The following ZBTB46 variants were observed in gnomAD, a reference collection of about 807,000 sequenced individuals.
The protein encoded by ZBTB46 is zinc finger and BTB domain containing 46, also known as zinc finger and BTB domain-containing protein 46.
In ZBTB46, 8 loss-of-function variants were observed where a neutral mutation model predicts 44.1. The observed-to-expected ratio is 0.18, with a 90% CI of 0.11 to 0.33. The LOEUF is 0.33. Ranked by LOEUF, ZBTB46 falls within the 10% of genes least tolerant of loss-of-function variation. The probability of loss-of-function intolerance (pLI) is 1.00; values close to 1 mark genes in which losing one functional copy is unlikely to be tolerated. For missense variants in ZBTB46, 651 were observed against 847.7 expected, an observed-to-expected ratio of 0.77 and a Z score of 2.88; for synonymous variants, 409 against 382.3, an observed-to-expected ratio of 1.07 and a Z score of -0.81.
At chr20:63,812,492 A>C (rs2092723233) in intron 1 of ZBTB46, among the ~76,000 whole-genome samples, 1 of 152,042 alleles carries the variant, frequency 6.6e-6, no homozygotes, top group Non-Finnish European at 1.5e-5. Context: ...AATACAAAAA[A>C]TTAGCCAGGC....
At chr20:63,824,111 C>T (rs11086129) in intron 1 of ZBTB46, among the ~76,000 whole-genome samples, 12,104 of 152,044 alleles carry the variant, frequency 0.08, 954 homozygotes, top group East Asian at 0.45. Context: ...CAAGCAGACA[C>T]GTCCCACCTA....
intron 3 of ZBTB46, among the ~76,000 whole-genome samples, chr20:63,753,945 A>G (rs563150162): frequency 1.3e-5 from 2 of 152,322 alleles, no homozygotes; most frequent in South Asian, 4.1e-4. Context: ...CCTCCTGACC[A>G]GCAGTCCCCA....
rs1327196299 is a variant in ZBTB46, at chr20:63,826,923, C to T, written c.-34+4174G>A. 2.0e-5 allele frequency among the ~76,000 whole-genome samples: 3 copies of T among 152,238 alleles called. No homozygotes were observed. In the East Asian group the frequency reaches 5.8e-4, roughly 29 times the overall value. ...CCTGCCCTCCGGCCAGCAATCCACT[C>T]TCCGGGAAGCAGGGTTTGGAATATG... On this transcript the variant is annotated intron_variant, in intron 1 of 4. Transcript: ENST00000245663.
chr20:63,822,610 G>A (rs529871463), intron 1 of ZBTB46, among the ~76,000 whole-genome samples: 3 of 152,132 alleles, frequency 2.0e-5, no homozygotes, highest in African/African-American at 4.8e-5. Flanking sequence ...ATCAGTCAAC[G>A]GCTGCTGTTA....
intron 2 of ZBTB46, among the ~76,000 whole-genome samples, chr20:63,783,607 C>G (rs2092488561): frequency 6.6e-6 from 1 of 152,198 alleles, no homozygotes; most frequent in South Asian, 2.1e-4. Context: ...TAATTCTGTT[C>G]ATACCTGAAA....
chr20:63,807,799 GCGC>G (rs1362901771), intron 1 of ZBTB46, among the ~76,000 whole-genome samples: 1 of 152,278 alleles, frequency 6.6e-6, no homozygotes, highest in Non-Finnish European at 1.5e-5. Context: ...CTTACAGGCG[GCGC>G]CTCAGGGCTC....
At chr20:63,821,081 C>T (rs1297976714) in intron 1 of ZBTB46, among the ~76,000 whole-genome samples, 2 of 151,694 alleles carry the variant, frequency 1.3e-5, no homozygotes, top group South Asian at 2.1e-4. Context: ...TTAGTAGAGA[C>T]GGGGTTTCAC....
At position 63,806,212 on chromosome 20, in the gene ZBTB46, G is replaced by A. The variant is rs1300907112; in HGVS notation, c.-33-15422C>T. Among the ~76,000 whole-genome samples, 6 of 149,792 alleles carry A rather than the reference G, an allele frequency of 4.0e-5. No homozygotes were observed. The East Asian group carries it at 1.2e-3, about 31-fold the overall frequency. ...AGGTCAGGAGTTCGAGACCAACCTG[G>A]CCAACATAGTGAAACCCCGTCTCTA... On this transcript the variant is annotated intron_variant, in intron 1 of 4. Coordinates refer to ENST00000245663, the MANE Select transcript of ZBTB46 (RefSeq NM_001369741.1).
chr20:63,796,641 T>C (rs1292734054), intron 1 of ZBTB46, among the ~76,000 whole-genome samples: 2 of 149,428 alleles, frequency 1.3e-5, no homozygotes, highest in Non-Finnish European at 3.0e-5. Flanking sequence ...GCCTGGCCAA[T>C]ATGGTGAAAC....
intron 3 of ZBTB46, among the ~76,000 whole-genome samples, chr20:63,765,510 C>G (rs1208280213): frequency 6.6e-6 from 1 of 152,250 alleles, no homozygotes; most frequent in Admixed American, 6.5e-5. Context: ...CTCACTGCAG[C>G]CTCGACCTGC....
intron 3 of ZBTB46, chr20:63,775,429 G>A (rs907249456): frequency 2.3e-6 from 1 of 431,760 alleles, no homozygotes; most frequent in Non-Finnish European, 4.1e-6. Context: ...GCAAGCACTC[G>A]GCTGCTCCCC....
chr20:63,827,891 C>T (rs1018493389), intron 1 of ZBTB46, among the ~76,000 whole-genome samples: 1 of 152,194 alleles, frequency 6.6e-6, no homozygotes, highest in Non-Finnish European at 1.5e-5. Flanking sequence ...TATGCTTTAA[C>T]AGGACAATGT....
chr20:63,790,354 G>A lies in ZBTB46; in HGVS notation c.404C>T (p.Ser135Leu), dbSNP rs753244971. 7 of 1,613,184 alleles carry A rather than the reference G, an allele frequency of 4.3e-6. No homozygotes were observed. Among genetic ancestry groups the A allele is most frequent in the East Asian group, 2.2e-5 (1 of 44,880 alleles). The change falls in exon 2 of 5, where the codon TCG becomes TTG. Residue 135 changes from serine to leucine, a missense_variant. By Grantham distance (145) the Ser-to-Leu change is moderately radical. Around this residue, in one of 5 missense-constraint regions of ZBTB46, gnomAD observed 385 missense variants for 423.3 expected, o/e 0.91. Coordinates refer to ENST00000245663, the MANE Select transcript of ZBTB46 (RefSeq NM_001369741.1). Reference protein sequence around the residue: ...IKAALDISIKSDASDELAEFE... With the variant: ...IKAALDISIKLDASDELAEFE... ...CTCCGCAAGCTCATCTGAGGCGTCC[G>A]ACTTGATGCTGATGTCCAGCGCCGC...
At chr20:63,802,509 A>G (rs4809345) in intron 1 of ZBTB46, among the ~76,000 whole-genome samples, 27,710 of 151,784 alleles carry the variant, frequency 0.18, 3,120 homozygotes, top group East Asian at 0.45. Flanking sequence ...AGGTCGGCAC[A>G]AAGCGGCAGC....
At chr20:63,830,894 C>T (rs1354672221) in intron 1 of ZBTB46, among the ~76,000 whole-genome samples, 1 of 142,630 alleles carries the variant, frequency 7.0e-6, no homozygotes, top group Non-Finnish European at 1.6e-5. Flanking sequence ...GTCTCCGCCG[C>T]CGCCCCCGGA....
At chr20:63,781,159 A>C (rs60172104) in intron 2 of ZBTB46, among the ~76,000 whole-genome samples, 1 of 147,356 alleles carries the variant, frequency 6.8e-6, no homozygotes, top group African/African-American at 2.5e-5. Flanking sequence ...AAAAAAAAAA[A>C]AAAAGAAAGA....
chr20:63,761,781 C>CAAA (rs35095876), intron 3 of ZBTB46, among the ~76,000 whole-genome samples: 6,348 of 126,394 alleles, frequency 0.05, 213 homozygotes, highest in Non-Finnish European at 0.073. Context: ...GACTCTGCCT[C>CAAA]AAAAAAAAAA....
rs2281926 is a variant in ZBTB46, at chr20:63,752,956, G to A, written c.1223-95C>T. Reference sequence around the variant, plus strand: ...GCTGCACGCCGCAGCCCAGCAGCCAGGACGGGCTGTCTCCCACGGCCACCC... The same window carrying A: ...GCTGCACGCCGCAGCCCAGCAGCCAAGACGGGCTGTCTCCCACGGCCACCC... On this transcript the variant is annotated intron_variant, in intron 3 of 4. Transcript: ENST00000245663. The surrounding 1 kb of genome is among the most constrained non-coding windows in gnomAD (Gnocchi z 5.6). 7.2e-7 allele frequency: 1 copy of A among 1,395,218 alleles called. No homozygotes were observed. Among genetic ancestry groups the A allele is most frequent in the Non-Finnish European group, 9.6e-7 (1 of 1,045,508 alleles). The allele number at this position is 1,395,218 out of a possible 1,614,324, so 86.4% of individuals were successfully genotyped here.
intron 1 of ZBTB46, among the ~76,000 whole-genome samples, chr20:63,791,360 G>A (rs931830083): frequency 6.6e-6 from 1 of 152,046 alleles, no homozygotes; most frequent in Non-Finnish European, 1.5e-5. Context: ...GCTGGGCATG[G>A]TGGCGGGAGC....
Sources: gnomAD v4.1 joint callset for allele counts (sites outside exome capture counted in the v4.1 genomes callset) on GRCh38, gnomAD v4.1.1 for gene constraint, gnomAD v4.1.1 regional missense constraint, Gnocchi (gnomAD v3.1) non-coding constraint, MANE v1.5 for transcripts, NCBI Gene and HGNC (gene_info 2026-07-23, HGNC 2026-07-21) for gene names.